BMP1: variants seen among roughly 807,000 people sequenced by gnomAD.
BMP1 encodes the protein mammalian tolloid protein.
A neutral mutation model predicts 116.8 loss-of-function variants in BMP1; 63 were observed. The observed-to-expected ratio is 0.54, with a 90% CI of 0.44 to 0.67. The LOEUF is 0.67. Among genes scored for constraint, BMP1 ranks in the 30% least tolerant of loss-of-function variants. BMP1 has a pLI of 0.00. For synonymous variants in BMP1, 536 were observed against 533.4 expected, an observed-to-expected ratio of 1.00 and a Z score of -0.07; for missense variants, 1,183 against 1,358.9, an observed-to-expected ratio of 0.87 and a Z score of 2.04.
intron 15 of BMP1, among the ~76,000 whole-genome samples, chr8:22,200,612 A>ATG (rs1310740493): frequency 1.3e-5 from 2 of 151,996 alleles, no homozygotes; most frequent in African/African-American, 2.4e-5. Flanking sequence ...GTGCACATGT[A>ATG]TGTGTGTGCC....
chr8:22,173,840 A>T (rs1828353646), intron 2 of BMP1, 125 bp downstream of exon 2: 1 of 623,562 alleles, frequency 1.6e-6, no homozygotes, highest in Non-Finnish European at 2.7e-6. Flanking sequence ...ACCCCAGCAC[A>T]TGGGTCTATC....
At chr8:22,185,828 C>CTTT (rs71204540) in intron 8 of BMP1, among the ~76,000 whole-genome samples, 169 of 80,926 alleles carry the variant, frequency 2.1e-3, no homozygotes, top group African/African-American at 3.6e-3. Flanking sequence ...CACTGTCTTT[C>CTTT]TTTTTTTTTT....
intron 7 of BMP1, 71 bp from the exon 8 acceptor site, chr8:22,180,297 G>C: frequency 7.8e-7 from 1 of 1,279,816 alleles, no homozygotes; most frequent in East Asian, 2.3e-5. Flanking sequence ...CCAAGGTTCA[G>C]GGGTGGGTGA....
chr8:22,201,354 CCCACTGTGCCCGTCCGCGGA>C (rs1412373915), intron 15 of BMP1: 1 of 1,484,902 alleles, frequency 6.7e-7, no homozygotes, highest in Non-Finnish European at 8.9e-7. Flanking sequence ...CTCTCTTCTC[CCCACTGTGCCCGTCCGCGGA>C]CCGGGGACCC....
chr8:22,201,497 G>A, intron 15 of BMP1: 2 of 1,400,786 alleles, frequency 1.4e-6, no homozygotes, highest in Non-Finnish European at 9.2e-7. Context: ...GCTTGTCCAT[G>A]TGTCTATTTT....
chr8:22,206,351 A>G (rs1007571350), intron 16 of BMP1, among the ~76,000 whole-genome samples: 1 of 152,070 alleles, frequency 6.6e-6, no homozygotes, highest in Admixed American at 6.5e-5. Flanking sequence ...AAAATACAAA[A>G]ATTAGCCAGA....
At chr8:22,208,392 C>G (rs1179457768) in intron 18 of BMP1, among the ~76,000 whole-genome samples, 1 of 152,194 alleles carries the variant, frequency 6.6e-6, no homozygotes, top group Admixed American at 6.5e-5. Context: ...TTCACTCCTG[C>G]CCCCCACCCC....
chr8:22,169,702 A>C (rs1012373310), intron 1 of BMP1: 6 of 152,230 alleles, frequency 3.9e-5, no homozygotes, highest in African/African-American at 1.4e-4. Context: ...TCCTGCACAT[A>C]TAGCCTTGGG....
intron 18 of BMP1, 133 bp from the exon 19 acceptor site, chr8:22,209,312 A>T: frequency 6.9e-7 from 1 of 1,438,922 alleles, no homozygotes; most frequent in Non-Finnish European, 9.3e-7. Flanking sequence ...CCAGGCCCCC[A>T]CCCACCCATC....
chr8:22,196,697 C>T lies in BMP1; in HGVS notation c.1783C>T (p.Leu595Phe). The change falls in exon 14 of 20, where the codon CTC (leucine) becomes TTC (phenylalanine). Residue 595 changes from leucine (L) to phenylalanine (F), a missense_variant. Leu to Phe is a conservative substitution (Grantham distance 22). Transcript: ENST00000306385. ...CCCCGCAGCTGCTTGTGGCGGATTC[C>T]TCACCAAGCTCAACGGCTCCATCAC... ...RRCEAACGGF[L>F]TKLNGSITSP... 1.9e-6 allele frequency: 3 copies of T among 1,614,126 alleles called. No homozygotes were observed. Among genetic ancestry groups the T allele is most frequent in the Non-Finnish European group, 2.5e-6 (3 of 1,180,022 alleles).
At chr8:22,197,041 G>T (rs1171940948) in intron 14 of BMP1, among the ~76,000 whole-genome samples, 199 bp from the exon 15 acceptor site, 1 of 152,230 alleles carries the variant, frequency 6.6e-6, no homozygotes, top group Non-Finnish European at 1.5e-5. Flanking sequence ...GTAGCAAGTG[G>T]GAGGAAGGAC....
At chr8:22,166,142 C>A (rs12544208) in intron 1 of BMP1, among the ~76,000 whole-genome samples, 1 of 151,668 alleles carries the variant, frequency 6.6e-6, no homozygotes, top group Non-Finnish European at 1.5e-5. Context: ...GTAGTTTAAC[C>A]AGTAGCTGAA....
Position 22,179,844 on chromosome 8 carries a change from G to A in BMP1, c.961+15G>A. 1.2e-6 allele frequency: 2 copies of A among 1,609,946 alleles called. No individual in the cohort carries two copies. The highest frequency in any genetic ancestry group is 1.1e-5 in the South Asian group (1 of 90,718). On this transcript the variant is annotated intron_variant, in intron 7 of 19. Transcript: ENST00000306385. The surrounding 1 kb of genome is among the most constrained non-coding windows in gnomAD (Gnocchi z 4.6). ...CAAGTGCCCAGGTCAGGGCAGAGAA[G>A]GGATGGGTGAGGGCGTGGAGGGCAG...
rs752931211 is a variant in BMP1 at position 22,194,537 on chromosome 8, C to A, written c.1390C>A (p.Arg464=). Residue 464 remains arginine, a synonymous_variant, in exon 11 of 20, where the codon CGG becomes AGG. Coordinates refer to ENST00000306385, the MANE Select transcript of BMP1 (RefSeq NM_006129.5). The surrounding 1 kb of genome is among the most constrained non-coding windows in gnomAD (Gnocchi z 4.5). The part of the protein sequence containing the change: ...DYRPSKVCIW[R]IQVSEGFHVG... ...CCGGCCCAGCAAAGTCTGCATCTGG[C>A]GGATCCAGGTGTCTGAGGGCTTCCA... is the stretch of plus-strand genomic sequence containing the variant. The A allele has an allele frequency of 1.9e-6, 3 of 1,614,178 alleles. No individual in the cohort carries two copies. Among genetic ancestry groups the A allele is most frequent in the Middle Eastern group, 1.7e-4 (1 of 6,060 alleles).
intron 1 of BMP1, among the ~76,000 whole-genome samples, chr8:22,166,457 T>A (rs529018301): frequency 6.6e-6 from 1 of 152,226 alleles, no homozygotes; most frequent in South Asian, 2.1e-4. Context: ...GCCCCTGGAG[T>A]GACCAGATGG....
chr8:22,180,317 T>G, intron 7 of BMP1, 51 bp from the exon 8 acceptor site: 2 of 1,459,814 alleles, frequency 1.4e-6, no homozygotes, highest in Non-Finnish European at 1.9e-6. Flanking sequence ...AGCCAGAAGA[T>G]GGGGGGATTT....
chr8:22,209,209 G>T (rs1050455685), intron 18 of BMP1, among the ~76,000 whole-genome samples: 5 of 152,162 alleles, frequency 3.3e-5, no homozygotes, highest in African/African-American at 1.2e-4. Context: ...GCTCCATGCT[G>T]TCTTCCTCTC....
At chr8:22,181,126 G>A (rs765749276) in intron 8 of BMP1, among the ~76,000 whole-genome samples, 2 of 152,160 alleles carry the variant, frequency 1.3e-5, no homozygotes, top group Non-Finnish European at 1.5e-5. Context: ...TCCAGTCTTT[G>A]CTCTGTGGGC....
At chr8:22,207,622 C>A (rs369747580) in intron 18 of BMP1, 106 bp downstream of exon 18, 1 of 1,270,572 alleles carries the variant, frequency 7.9e-7, no homozygotes, top group Non-Finnish European at 1.1e-6. Flanking sequence ...CTGAGCCCTG[C>A]GACCCAGGGC....
Sources: allele counts gnomAD v4.1 joint callset (sites outside exome capture counted in the v4.1 genomes callset), GRCh38; gene constraint gnomAD v4.1.1; non-coding constraint Gnocchi (gnomAD v3.1); transcripts MANE v1.5; gene names NCBI Gene and HGNC (gene_info 2026-07-23, HGNC 2026-07-21).